Variants in ANKRD11 observed in about 807,000 individuals in gnomAD.
ANKRD11 encodes ankyrin repeat domain-containing protein 11.
A neutral mutation model predicts 195.7 loss-of-function variants in ANKRD11; 17 were observed. The ratio of observed to expected loss-of-function variants is 0.09; its 90% CI spans 0.06 to 0.13. The LOEUF (loss-of-function observed/expected upper bound fraction) is 0.13. Among genes scored for constraint, ANKRD11 ranks in the 10% least tolerant of loss-of-function variants. The pLI is 1.00. For missense variants in ANKRD11, 3,735 were observed against 3,566.1 expected, an observed-to-expected ratio of 1.05 and a Z score of -1.21; for synonymous variants, 1,953 against 1,528.1, an observed-to-expected ratio of 1.28 and a Z score of -6.49.
At chr16:89,442,266 G>A (rs928732937) in intron 1 of ANKRD11, among the ~76,000 whole-genome samples, 1 of 152,146 alleles carries the variant, frequency 6.6e-6, no homozygotes, top group Non-Finnish European at 1.5e-5. Flanking sequence ...CCTCACTAAG[G>A]ATTTAATTTC....
chr16:89,412,628 T>C (rs1405616885), intron 2 of ANKRD11: 2 of 152,060 alleles, frequency 1.3e-5, no homozygotes. Context: ...AAAGTTCACT[T>C]CAATTTAAAT....
At chr16:89,368,364 T>C (rs71396910) in intron 2 of ANKRD11, among the ~76,000 whole-genome samples, 1 of 129,216 alleles carries the variant, frequency 7.7e-6, no homozygotes, top group African/African-American at 3.1e-5. Context: ...GCCTGGCTAA[T>C]TTTTGTGTTT....
chr16:89,287,962 G>A (rs567308834), intron 7 of ANKRD11: 4 of 458,508 alleles, frequency 8.7e-6, no homozygotes, highest in African/African-American at 2.0e-5. Context: ...GAGACCCGCC[G>A]CATCTCCAGG....
Position 89,455,238 on chromosome 16 carries a change from C to T in ANKRD11, c.-145+35007G>A, listed in dbSNP as rs557353384. 1.3e-3 allele frequency among the ~76,000 whole-genome samples: 192 copies of T among 146,650 alleles called. 1 individual carries two copies. The highest frequency in any genetic ancestry group is 4.5e-3 in the African/African-American group (177 of 39,488). On this transcript the variant is annotated intron_variant, in intron 1 of 12. Coordinates refer to ENST00000301030, the MANE Select transcript of ANKRD11 (RefSeq NM_013275.6). ...TTCTAGGGTTCCTCAAGCTGCTCCCCTGGGTGCTGTTAGGCTTCCTCAAGC... is the reference window on the plus strand; with the variant it reads ...TTCTAGGGTTCCTCAAGCTGCTCCCTTGGGTGCTGTTAGGCTTCCTCAAGC...
intron 2 of ANKRD11, among the ~76,000 whole-genome samples, chr16:89,386,390 C>T (rs1307389553): frequency 6.6e-6 from 1 of 152,148 alleles, no homozygotes; most frequent in Admixed American, 6.5e-5. Flanking sequence ...CCACACTGCC[C>T]TGCTGCCCCA....
At chr16:89,476,023 G>C (rs2057246809) in intron 1 of ANKRD11, among the ~76,000 whole-genome samples, 1 of 150,152 alleles carries the variant, frequency 6.7e-6, no homozygotes, top group Non-Finnish European at 1.5e-5. Context: ...CTGCACTCCA[G>C]CCTGAGTGAT....
intron 2 of ANKRD11, chr16:89,324,286 G>A: frequency 8.0e-7 from 1 of 1,256,570 alleles, no homozygotes; most frequent in Non-Finnish European, 1.0e-6. Flanking sequence ...CCGTGCTCCG[G>A]AACACGGACC....
At chr16:89,345,176 A>T (rs1258981342) in intron 2 of ANKRD11, among the ~76,000 whole-genome samples, 1 of 152,156 alleles carries the variant, frequency 6.6e-6, no homozygotes, top group Non-Finnish European at 1.5e-5. Context: ...AACCACAAAA[A>T]GACACTGTAC....
intron 2 of ANKRD11, among the ~76,000 whole-genome samples, chr16:89,413,407 C>G (rs917823228): frequency 3.9e-5 from 6 of 152,088 alleles, no homozygotes; most frequent in African/African-American, 1.4e-4. Context: ...GGGCAGATCA[C>G]GAGGTCAGGA....
intron 12 of ANKRD11, 141 bp downstream of exon 12, chr16:89,270,676 G>A (rs1299669324): frequency 1.2e-6 from 1 of 839,002 alleles, no homozygotes; most frequent in South Asian, 1.4e-5. Flanking sequence ...GCCAGATTAA[G>A]AGAATCTGAA....
In ANKRD11 at chr16:89,280,370, G is replaced by A. The variant is rs771351601; in HGVS notation, c.6172C>T (p.Pro2058Ser). 48 of 1,561,660 alleles carry A rather than the reference G, an allele frequency of 3.1e-5. No homozygotes were observed. The South Asian group carries it at 4.7e-4, about 15-fold the overall frequency. Residue 2058 changes from proline (P) to serine (S), a missense_variant, in exon 9 of 13, where the codon CCT (proline) becomes TCT (serine). Physicochemically the swap from Pro to Ser is moderately conservative, Grantham distance 74 (BLOSUM62 -1). Transcript: ENST00000301030. ...AAGAAGGACTCCAGCCCGGAGGGAG[G>A]GGCGTAGGGAGCCGCCTCTGAGGTG... ...ISTSEAAPYA[P>S]PSGLESFFSN...
At chr16:89,359,020 A>G (rs1488257447) in intron 2 of ANKRD11, among the ~76,000 whole-genome samples, 1 of 152,116 alleles carries the variant, frequency 6.6e-6, no homozygotes, top group Non-Finnish European at 1.5e-5. Flanking sequence ...AGACAAGGCT[A>G]TACATTTCTT....
intron 2 of ANKRD11, among the ~76,000 whole-genome samples, chr16:89,344,257 T>G (rs987547042): frequency 6.6e-6 from 1 of 152,176 alleles, no homozygotes; most frequent in African/African-American, 2.4e-5. Flanking sequence ...TTTACTTTCA[T>G]ACGTTATTTT....
rs1455510420 is a variant in ANKRD11, at chr16:89,281,243, C to T, written c.5299G>A (p.Ala1767Thr). Residue 1767 changes from alanine to threonine, a missense_variant, in exon 9 of 13, where the codon GCT (alanine) becomes ACT (threonine). By Grantham distance (58) the Ala-to-Thr change is moderately conservative. Coordinates refer to ENST00000301030, the MANE Select transcript of ANKRD11 (RefSeq NM_013275.6). This position sits in a 1 kb window ranked among gnomAD's most constrained non-coding sequence, Gnocchi z 5.5. ...SPSFFDRFSV[A>T]SSGLSENASQ... ...GCGTTTTCCGAAAGCCCACTTGAAG[C>T]CACGGAGAACCTGTCGAAAAAGGAG... 2.5e-6 allele frequency: 4 copies of T among 1,614,226 alleles called. No individual in the cohort carries two copies. The African/African-American group carries it at 5.3e-5, about 22-fold the overall frequency.
chr16:89,481,425 C>A (rs1277936641), intron 1 of ANKRD11, among the ~76,000 whole-genome samples: 2 of 152,100 alleles, frequency 1.3e-5, no homozygotes, highest in East Asian at 1.9e-4. Flanking sequence ...TAAAAATTAG[C>A]GCACGTCTGT....
chr16:89,349,337 G>A (rs573406463), intron 2 of ANKRD11, among the ~76,000 whole-genome samples: 150 of 151,120 alleles, frequency 9.9e-4, no homozygotes, highest in African/African-American at 3.4e-3. Context: ...AAAATTAGCC[G>A]GGCGTGGTGG....
intron 2 of ANKRD11, among the ~76,000 whole-genome samples, chr16:89,400,963 T>C (rs919634597): frequency 6.6e-6 from 1 of 152,188 alleles, no homozygotes; most frequent in African/African-American, 2.4e-5. Context: ...ATCCCCCGTC[T>C]GCCCCGGGGC....
At chr16:89,419,212 G>C (rs981488822) in intron 1 of ANKRD11, among the ~76,000 whole-genome samples, 1 of 151,946 alleles carries the variant, frequency 6.6e-6, no homozygotes, top group Non-Finnish European at 1.5e-5. Context: ...AGCACTTTGG[G>C]AGGCCGAGGT....
chr16:89,388,655 C>A (rs999621298), intron 2 of ANKRD11, among the ~76,000 whole-genome samples: 5 of 152,126 alleles, frequency 3.3e-5, no homozygotes, highest in Non-Finnish European at 7.4e-5. Context: ...AGAGCAGGAG[C>A]CCTGCGATGA....
Sources: gnomAD v4.1 joint callset for allele counts (sites outside exome capture counted in the v4.1 genomes callset) on GRCh38, gnomAD v4.1.1 for gene constraint, Gnocchi (gnomAD v3.1) non-coding constraint, MANE v1.5 for transcripts, NCBI Gene and HGNC (gene_info 2026-07-23, HGNC 2026-07-21) for gene names.